BANP: variants seen among roughly 807,000 people sequenced by gnomAD.
BANP encodes protein BANP.
A neutral mutation model predicts 68.1 loss-of-function variants in BANP; 11 were observed. The ratio of observed to expected loss-of-function variants is 0.16; its 90% CI spans 0.10 to 0.27. BANP has a LOEUF of 0.27. BANP is among the 10% of genes least tolerant of loss of function. BANP has a pLI of 1.00. For missense variants in BANP, 504 were observed against 722.7 expected (o/e 0.70, Z 3.47); for synonymous variants, 329 against 303.2 (o/e 1.09, Z -0.88).
intron 1 of BANP, among the ~76,000 whole-genome samples, chr16:87,969,561 C>G (rs1296259473): frequency 7.1e-6 from 1 of 141,716 alleles, no homozygotes; most frequent in Non-Finnish European, 1.5e-5. Context: ...GAGACAGAGT[C>G]TCCCCCTGTC....
chr16:88,044,010 AAGGTGGATAGACCAGTTGG>A (rs1408356234), intron 11 of BANP, among the ~76,000 whole-genome samples: 1 of 152,216 alleles, frequency 6.6e-6, no homozygotes, highest in African/African-American at 2.4e-5. Context: ...ACTTTTGCAT[AAGGTGGATAGACCAGTTGG>A]CCACTTCAGG....
intron 13 of BANP, among the ~76,000 whole-genome samples, chr16:88,075,605 T>G (rs1231610422): frequency 6.6e-6 from 1 of 152,158 alleles, no homozygotes; most frequent in African/African-American, 2.4e-5. Context: ...GGCTCTTCCT[T>G]TGTGGTTCCT....
At chr16:87,998,745 T>A (rs1428967495) in intron 4 of BANP, among the ~76,000 whole-genome samples, 4 of 146,360 alleles carry the variant, frequency 2.7e-5, no homozygotes, top group East Asian at 2.0e-4. Flanking sequence ...TGTACTTGCC[T>A]GTCTTTCCAG....
chr16:87,952,821 CTG>C (rs1196106029), intron 1 of BANP: 2 of 152,174 alleles, frequency 1.3e-5, no homozygotes, highest in Non-Finnish European at 2.9e-5. Flanking sequence ...GTCCCCGAGA[CTG>C]GAATGCAGTA....
intron 9 of BANP, among the ~76,000 whole-genome samples, chr16:88,034,636 A>G (rs2078922422): frequency 6.6e-6 from 1 of 152,178 alleles, no homozygotes; most frequent in Non-Finnish European, 1.5e-5. Context: ...ATCCCCAGAG[A>G]GCTGAACGTA....
intron 12 of BANP, among the ~76,000 whole-genome samples, chr16:88,066,116 C>T (rs764142034): frequency 2.4e-4 from 37 of 152,208 alleles, no homozygotes; most frequent in Non-Finnish European, 2.2e-4. Context: ...TCAGGGCAGA[C>T]GGGGCTTCTC....
In BANP at chr16:88,004,611, C is replaced by T. The variant is rs1055993424; in HGVS notation, c.479+200C>T. ...CGATGCTGAATGCTGAGTCCAGCCA[C>T]ACCAGGGGCAGCTGCCGCCGGGGAC... On this transcript the variant is annotated intron_variant, in intron 5 of 13. Transcript: ENST00000682872. The surrounding 1 kb of genome is among the most constrained non-coding windows in gnomAD (Gnocchi z 7.0). Among the ~76,000 whole-genome samples the T allele has an allele frequency of 5.9e-5, 9 of 152,204 alleles. No homozygotes were observed. Among genetic ancestry groups the T allele is most frequent in the African/African-American group, 2.2e-4 (9 of 41,456 alleles).
At chr16:87,970,439 C>T (rs763524484) in intron 1 of BANP, among the ~76,000 whole-genome samples, 5 of 152,138 alleles carry the variant, frequency 3.3e-5, no homozygotes, top group African/African-American at 4.8e-5. Context: ...GATTGCAAAA[C>T]GATGACTGTT....
intron 11 of BANP, among the ~76,000 whole-genome samples, chr16:88,063,782 T>C (rs1247175500): frequency 1.3e-5 from 2 of 152,180 alleles, no homozygotes; most frequent in East Asian, 3.8e-4. Flanking sequence ...ACATGATCTG[T>C]GCAGCTCATT....
intron 9 of BANP, among the ~76,000 whole-genome samples, chr16:88,033,699 T>G (rs1281142089): frequency 6.6e-6 from 1 of 152,216 alleles, no homozygotes; most frequent in Non-Finnish European, 1.5e-5. Context: ...AGCGTGTCCC[T>G]TGGAGTTACT....
intron 7 of BANP, among the ~76,000 whole-genome samples, chr16:88,024,729 G>T (rs981407318): frequency 6.6e-6 from 1 of 152,274 alleles, no homozygotes; most frequent in Admixed American, 6.5e-5. Flanking sequence ...CCGGCAGGGG[G>T]CATTCGCCCA....
At chr16:88,034,297 G>C (rs1173574279) in intron 9 of BANP, among the ~76,000 whole-genome samples, 1 of 152,194 alleles carries the variant, frequency 6.6e-6, no homozygotes, top group Non-Finnish European at 1.5e-5. Context: ...TTCTTTGAAA[G>C]CGTTCCAGAG....
rs768172775 is a variant in BANP at position 88,033,261 on chromosome 16, A to G, written c.1200+16A>G. The G allele has an allele frequency of 6.5e-6, 10 of 1,544,036 alleles. No homozygotes were observed. The South Asian group carries it at 1.1e-4, about 17-fold the overall frequency. ...GGTGCAAGTAGTACGTACCCTCTCCACCTCACACCTTGGGAAAGGGGGCTG... is the reference window on the plus strand; with the variant it reads ...GGTGCAAGTAGTACGTACCCTCTCCGCCTCACACCTTGGGAAAGGGGGCTG... On this transcript the variant is annotated intron_variant, in intron 9 of 13. Transcript: ENST00000682872.
rs533147353 is a variant in BANP, at chr16:88,071,221, C to G, written c.1378-848C>G. The G allele has an allele frequency of 2.4e-4, 82 of 346,936 alleles. No homozygotes were observed. Among genetic ancestry groups the G allele is most frequent in the Middle Eastern group, 2.1e-3 (2 of 968 alleles). The allele number at this position is 346,936 out of a possible 1,614,324, so 21.5% of individuals were successfully genotyped here. On this transcript the variant is annotated intron_variant, in intron 12 of 13. Coordinates refer to ENST00000682872, the MANE Select transcript of BANP (RefSeq NM_001386991.1). This position sits in a 1 kb window ranked among gnomAD's most constrained non-coding sequence, Gnocchi z 6.5. The stretch of plus-strand genomic sequence containing the variant: ...GAGGTGTGGGATGCATCTCCTGGCC[C>G]TCCCGTAGTGGGGTGCAACCCCAAG...
At chr16:88,050,568 G>A (rs1159291814) in intron 11 of BANP, among the ~76,000 whole-genome samples, 1 of 152,232 alleles carries the variant, frequency 6.6e-6, no homozygotes, top group Non-Finnish European at 1.5e-5. Flanking sequence ...GCCCACAGGA[G>A]TCTCATCCAG....
chr16:88,060,400 C>T lies in BANP; in HGVS notation c.1312-4867C>T, dbSNP rs1326429995. Among the ~76,000 whole-genome samples, 4 of 152,286 alleles carry T rather than the reference C, an allele frequency of 2.6e-5. No homozygotes were observed. The South Asian group carries it at 6.2e-4, about 24-fold the overall frequency. ...GTTTAAAAGCCACGTTTTTCCATCA[C>T]GATTAGGAGGGAGATCAGCTGACGT... On this transcript the variant is annotated intron_variant, in intron 11 of 13. Coordinates refer to ENST00000682872, the MANE Select transcript of BANP (RefSeq NM_001386991.1).
At chr16:88,025,344 C>T (rs1468932289) in intron 7 of BANP, among the ~76,000 whole-genome samples, 1 of 152,230 alleles carries the variant, frequency 6.6e-6, no homozygotes, top group East Asian at 1.9e-4. Flanking sequence ...GGCTGGGTTC[C>T]TCTGTGAGTC....
chr16:87,993,960 T>C (rs1445657351), intron 4 of BANP, among the ~76,000 whole-genome samples: 1 of 151,978 alleles, frequency 6.6e-6, no homozygotes, highest in African/African-American at 2.4e-5. Flanking sequence ...TGTGAGTGCT[T>C]GTCCCAGCCT....
Position 88,011,887 on chromosome 16 carries a change from T to C in BANP, c.655+5622T>C, listed in dbSNP as rs142070881. 5.5e-3 allele frequency among the ~76,000 whole-genome samples: 835 copies of C among 152,244 alleles called. 10 individuals are homozygous for C. Among genetic ancestry groups the C allele is most frequent in the African/African-American group, 0.019 (806 of 41,526 alleles). On this transcript the variant is annotated intron_variant, in intron 6 of 13. Coordinates refer to ENST00000682872, the MANE Select transcript of BANP (RefSeq NM_001386991.1). The stretch of plus-strand genomic sequence containing the variant: ...TATTCATTAAGCATCCACTAGTACC[T>C]GATGGGAATGGAGGTTCTTTTGAAG...
Sources: gnomAD v4.1 joint callset for allele counts (sites outside exome capture counted in the v4.1 genomes callset) on GRCh38, gnomAD v4.1.1 for gene constraint, Gnocchi (gnomAD v3.1) non-coding constraint, MANE v1.5 for transcripts, NCBI Gene and HGNC (gene_info 2026-07-23, HGNC 2026-07-21) for gene names.